Variants in ELAVL1 observed in about 807,000 individuals in gnomAD.
ELAVL1 encodes ELAV like RNA binding protein 1.
Under a neutral mutation model 28.4 loss-of-function variants are expected in ELAVL1, and 1 was observed. The ratio of observed to expected loss-of-function variants is 0.04; its 90% CI spans 0.01 to 0.17. The LOEUF is 0.17. Among genes scored for constraint, ELAVL1 ranks in the 10% least tolerant of loss-of-function variants. The pLI is 1.00. For missense variants in ELAVL1, 157 were observed against 447.2 expected (o/e 0.35, Z 5.85); for synonymous variants, 174 against 183.5 (o/e 0.95, Z 0.42).
intron 3 of ELAVL1, among the ~76,000 whole-genome samples, chr19:7,978,469 C>T (rs759020998): frequency 9.9e-5 from 15 of 152,146 alleles, no homozygotes; most frequent in Non-Finnish European, 1.9e-4. Flanking sequence ...CCAGTAAACA[C>T]GGCAGACACC....
intron 1 of ELAVL1, among the ~76,000 whole-genome samples, chr19:7,992,523 TG>T (rs1485643244): frequency 6.6e-6 from 1 of 152,092 alleles, no homozygotes; most frequent in African/African-American, 2.4e-5. Flanking sequence ...TCCAACTCTA[TG>T]ACCTTCTGGA....
At chr19:7,965,243 T>G (rs537842876) in intron 5 of ELAVL1, among the ~76,000 whole-genome samples, 1 of 152,260 alleles carries the variant, frequency 6.6e-6, no homozygotes, top group South Asian at 2.1e-4. Flanking sequence ...GTAAAACCAT[T>G]TTCAGGATGG....
At chr19:7,977,589 G>A (rs760212916) in intron 3 of ELAVL1, among the ~76,000 whole-genome samples, 4 of 152,164 alleles carry the variant, frequency 2.6e-5, no homozygotes, top group Non-Finnish European at 5.9e-5. Context: ...TCAGCCTGTC[G>A]CCTCCATGCA....
chr19:7,963,151 C>G lies in ELAVL1; in HGVS notation c.*332G>C, dbSNP rs1003407284. Reference sequence around the variant, plus strand: ...CAGTCTGTGGAGACATTGAATGAAACGCGTGTTAGACAGTCTTAGAGGTTA... The same window carrying G: ...CAGTCTGTGGAGACATTGAATGAAAGGCGTGTTAGACAGTCTTAGAGGTTA... On this transcript the variant is annotated 3_prime_UTR_variant, in exon 6 of 6. Coordinates refer to ENST00000407627, the MANE Select transcript of ELAVL1 (RefSeq NM_001419.3). This position sits in a 1 kb window ranked among gnomAD's most constrained non-coding sequence, Gnocchi z 4.5. 1.8e-5 allele frequency: 4 copies of G among 228,386 alleles called. No individual in the cohort carries two copies. Among genetic ancestry groups the G allele is most frequent in the Admixed American group, 5.1e-5 (1 of 19,490 alleles). The allele number at this position is 228,386 out of a possible 1,614,324, so 14.1% of individuals were successfully genotyped here.
At chr19:7,978,273 T>A (rs763422085) in intron 3 of ELAVL1, among the ~76,000 whole-genome samples, 3 of 152,080 alleles carry the variant, frequency 2.0e-5, no homozygotes, top group Non-Finnish European at 4.4e-5. Context: ...CCCACTTGAG[T>A]TTGTGCTAAG....
chr19:7,968,855 G>A (rs1985028054), intron 4 of ELAVL1, among the ~76,000 whole-genome samples: 1 of 152,186 alleles, frequency 6.6e-6, no homozygotes, highest in Non-Finnish European at 1.5e-5. Context: ...GAAGCGGGCT[G>A]GAAACTGGAT....
intron 1 of ELAVL1, among the ~76,000 whole-genome samples, chr19:8,004,328 G>A (rs1269344486): frequency 6.6e-6 from 1 of 152,150 alleles, no homozygotes; most frequent in East Asian, 1.9e-4. Flanking sequence ...AAGCTTGTTC[G>A]AGGTCTTGGG....
intron 1 of ELAVL1, among the ~76,000 whole-genome samples, chr19:7,999,249 T>C (rs2081059300): frequency 1.3e-5 from 2 of 152,192 alleles, no homozygotes; most frequent in African/African-American, 2.4e-5. Flanking sequence ...GGTGCATGCC[T>C]GTAGTACCAG....
At chr19:8,003,355 CAAA>C (rs71165248) in intron 1 of ELAVL1, among the ~76,000 whole-genome samples, 154 of 61,086 alleles carry the variant, frequency 2.5e-3, no homozygotes, top group African/African-American at 0.01. Flanking sequence ...GAAACTGTCT[CAAA>C]AAAAAAAAAA....
intron 5 of ELAVL1, 144 bp downstream of exon 5, chr19:7,967,421 T>C (rs751354848): frequency 5.6e-5 from 49 of 879,820 alleles, no homozygotes; most frequent in Non-Finnish European, 7.9e-5. Flanking sequence ...ATGGAGGTTG[T>C]GGTGTGGAGC....
At chr19:7,996,898 T>C (rs188067985) in intron 1 of ELAVL1, among the ~76,000 whole-genome samples, 211 of 152,146 alleles carry the variant, frequency 1.4e-3, no homozygotes, top group African/African-American at 4.9e-3. Context: ...AAAGAATATA[T>C]ATGGATGGCA....
chr19:7,963,126 C>T lies in ELAVL1; in HGVS notation c.*357G>A, dbSNP rs1984858642. ...ACTAAAAGGTGATTTTTTTGCTACC[C>T]AGTCTGTGGAGACATTGAATGAAAC... On this transcript the variant is annotated 3_prime_UTR_variant, in exon 6 of 6. Coordinates refer to ENST00000407627, the MANE Select transcript of ELAVL1 (RefSeq NM_001419.3). The surrounding 1 kb of genome is among the most constrained non-coding windows in gnomAD (Gnocchi z 4.5). The T allele has an allele frequency of 5.2e-6, 1 of 193,550 alleles. No individual in the cohort carries two copies. The highest frequency in any genetic ancestry group is 1.4e-4 in the South Asian group (1 of 6,946). The allele number at this position is 193,550 out of a possible 1,614,324, so 12.0% of individuals were successfully genotyped here. A position where few individuals can be genotyped will look rare whatever the true frequency, so the allele number is the denominator to read the frequency against.
At chr19:8,003,459 G>A (rs1415089886) in intron 1 of ELAVL1, among the ~76,000 whole-genome samples, 20 of 149,724 alleles carry the variant, frequency 1.3e-4, no homozygotes, top group African/African-American at 4.4e-4. Context: ...TTGGGAGGCC[G>A]AGGCGGGCGG....
chr19:7,994,533 T>G (rs978712704), intron 1 of ELAVL1, among the ~76,000 whole-genome samples: 2 of 152,166 alleles, frequency 1.3e-5, no homozygotes. Flanking sequence ...GGCCTTAAAT[T>G]CAAATGGCTC....
At chr19:7,964,820 TA>T (rs1351457137) in intron 5 of ELAVL1, among the ~76,000 whole-genome samples, 1 of 152,164 alleles carries the variant, frequency 6.6e-6, no homozygotes, top group Non-Finnish European at 1.5e-5. Context: ...TTTCTCACAT[TA>T]AAAAAGTAAA....
intron 1 of ELAVL1, among the ~76,000 whole-genome samples, chr19:7,995,964 G>A (rs1384071985): frequency 6.6e-6 from 1 of 151,360 alleles, no homozygotes; most frequent in Non-Finnish European, 1.5e-5. Context: ...CCAGGCTGAA[G>A]TGCAATGCCA....
intron 3 of ELAVL1, among the ~76,000 whole-genome samples, chr19:7,978,058 C>T (rs1035467374): frequency 6.6e-6 from 1 of 152,244 alleles, no homozygotes; most frequent in Non-Finnish European, 1.5e-5. Context: ...CCTAAGCCCA[C>T]CCTGGGACCA....
At chr19:7,980,621 G>A (rs1599671409) in intron 3 of ELAVL1, among the ~76,000 whole-genome samples, 1 of 152,178 alleles carries the variant, frequency 6.6e-6, no homozygotes, top group East Asian at 1.9e-4. Flanking sequence ...GCAACTGCCG[G>A]TCACACATGG....
Position 7,963,924 on chromosome 19 carries a change from C to A in ELAVL1, c.657-117G>T. On this transcript the variant is annotated intron_variant, in intron 5 of 5. Transcript: ENST00000407627. The surrounding 1 kb of genome is among the most constrained non-coding windows in gnomAD (Gnocchi z 4.5). Reference sequence around the variant, plus strand: ...GGCCCCATCCCGCTCTGCGCAGCCACGAGGTGCTCACGGTTGAGACACCTG... The same window carrying A: ...GGCCCCATCCCGCTCTGCGCAGCCAAGAGGTGCTCACGGTTGAGACACCTG... 8.4e-7 allele frequency: 1 copy of A among 1,188,832 alleles called. No homozygotes were observed. Among genetic ancestry groups the A allele is most frequent in the South Asian group, 1.6e-5 (1 of 64,478 alleles). The allele number at this position is 1,188,832 out of a possible 1,614,324, so 73.6% of individuals were successfully genotyped here.
Sources: allele counts gnomAD v4.1 joint callset (sites outside exome capture counted in the v4.1 genomes callset), GRCh38; gene constraint gnomAD v4.1.1; non-coding constraint Gnocchi (gnomAD v3.1); transcripts MANE v1.5; gene names NCBI Gene and HGNC (gene_info 2026-07-23, HGNC 2026-07-21).